TAFA1: variants seen among roughly 807,000 people sequenced by gnomAD.
TAFA1 encodes chemokine-like protein TAFA-1.
In TAFA1, 4 loss-of-function variants were observed where a neutral mutation model predicts 18.5. That is an observed-to-expected ratio of 0.22 (90% confidence interval 0.11 to 0.49). The LOEUF (loss-of-function observed/expected upper bound fraction) is 0.49. Ranked by LOEUF, TAFA1 falls within the 20% of genes least tolerant of loss-of-function variation. The pLI is 0.98. For synonymous variants in TAFA1, 56 were observed against 55.2 expected (o/e 1.01, Z -0.06); for missense variants, 147 against 169.0 (o/e 0.87, Z 0.72).
At position 68,465,646 on chromosome 3, in the gene TAFA1, T is replaced by C. The variant is rs557096232; in HGVS notation, c.259+48226T>C. The stretch of plus-strand genomic sequence containing the variant: ...ATCTTGCTCTCCTGCTGGTGAAATC[T>C]GTTCCAAAGTTAACTCACTGGACAA... On this transcript the variant is annotated intron_variant, in intron 3 of 4. Coordinates refer to ENST00000478136, the MANE Select transcript of TAFA1 (RefSeq NM_213609.4). Among the ~76,000 whole-genome samples the C allele has an allele frequency of 5.3e-5, 8 of 152,294 alleles. No individual in the cohort carries two copies. The East Asian group carries it at 1.5e-3, about 29-fold the overall frequency.
At chr3:68,212,881 C>A (rs1339421994) in intron 2 of TAFA1, among the ~76,000 whole-genome samples, 3 of 152,022 alleles carry the variant, frequency 2.0e-5, no homozygotes, top group Non-Finnish European at 4.4e-5. Flanking sequence ...TTGAATCACA[C>A]ACTAAGCTGC....
chr3:68,201,802 G>C (rs1460317062), intron 2 of TAFA1, among the ~76,000 whole-genome samples: 1 of 151,708 alleles, frequency 6.6e-6, no homozygotes, highest in Non-Finnish European at 1.5e-5. Context: ...AGTACAAGAA[G>C]CATAGCAGCA....
chr3:68,343,907 G>T (rs924657467), intron 2 of TAFA1, among the ~76,000 whole-genome samples: 2 of 152,220 alleles, frequency 1.3e-5, no homozygotes, highest in South Asian at 2.1e-4. Context: ...GATATGTCAT[G>T]ATCTCGGCTC....
intron 2 of TAFA1, among the ~76,000 whole-genome samples, chr3:68,378,757 A>G (rs2069870394): frequency 1.3e-5 from 2 of 152,132 alleles, no homozygotes; most frequent in East Asian, 1.9e-4. Flanking sequence ...GGTTTTCGCC[A>G]TGCTGTTCTC....
At chr3:68,531,289 A>T (rs1294651696) in intron 3 of TAFA1, among the ~76,000 whole-genome samples, 1 of 152,192 alleles carries the variant, frequency 6.6e-6, no homozygotes, top group African/African-American at 2.4e-5. Context: ...GACTTAAAGC[A>T]GAGGGAGAGA....
At chr3:68,410,389 A>G (rs1172051741) in intron 2 of TAFA1, among the ~76,000 whole-genome samples, 1 of 152,020 alleles carries the variant, frequency 6.6e-6, no homozygotes, top group East Asian at 1.9e-4. Flanking sequence ...AACACATCTA[A>G]CTTTTCCAGA....
chr3:68,476,226 A>G (rs1265287169), intron 3 of TAFA1, among the ~76,000 whole-genome samples: 1 of 152,202 alleles, frequency 6.6e-6, no homozygotes, highest in African/African-American at 2.4e-5. Flanking sequence ...ATCAGAGTGT[A>G]CAGGCAACCT....
intron 2 of TAFA1, among the ~76,000 whole-genome samples, chr3:68,390,966 C>A (rs1194595572): frequency 6.6e-6 from 1 of 152,146 alleles, no homozygotes; most frequent in Non-Finnish European, 1.5e-5. Context: ...CAAAGGATCA[C>A]AACTCCTGGC....
At chr3:68,358,603 CTGAT>C (rs1370614468) in intron 2 of TAFA1, among the ~76,000 whole-genome samples, 5 of 151,942 alleles carry the variant, frequency 3.3e-5, no homozygotes, top group African/African-American at 4.8e-5. Flanking sequence ...CCAAGGTAGA[CTGAT>C]TGTCTTTCCC....
At chr3:68,015,263 A>G (rs533352979) in intron 2 of TAFA1, among the ~76,000 whole-genome samples, 13 of 147,970 alleles carry the variant, frequency 8.8e-5, no homozygotes, top group African/African-American at 2.5e-4. Flanking sequence ...CTAAAAATCA[A>G]TTAATTTTCT....
intron 3 of TAFA1, among the ~76,000 whole-genome samples, chr3:68,459,062 T>A (rs1043258930): frequency 6.6e-6 from 1 of 151,908 alleles, no homozygotes; most frequent in Non-Finnish European, 1.5e-5. Flanking sequence ...TTCTTCAGAG[T>A]TTTTCTCCTT....
chr3:68,050,760 T>C (rs1373102626), intron 2 of TAFA1, among the ~76,000 whole-genome samples: 2 of 152,178 alleles, frequency 1.3e-5, no homozygotes, highest in Non-Finnish European at 2.9e-5. Flanking sequence ...AGAATAATTA[T>C]ATGTCATCTT....
intron 3 of TAFA1, among the ~76,000 whole-genome samples, chr3:68,451,597 A>T (rs2071567224): frequency 6.6e-6 from 1 of 152,206 alleles, no homozygotes; most frequent in Non-Finnish European, 1.5e-5. Context: ...ATTCAAAAAT[A>T]TTCTGAGCAC....
chr3:68,374,586 A>T (rs1214441995), intron 2 of TAFA1, among the ~76,000 whole-genome samples: 2 of 152,180 alleles, frequency 1.3e-5, no homozygotes, highest in Admixed American at 1.3e-4. Context: ...TCTACAATTC[A>T]GCATGTCTTG....
intron 2 of TAFA1, among the ~76,000 whole-genome samples, chr3:68,121,913 T>A (rs1273479574): frequency 2.0e-5 from 3 of 147,568 alleles, no homozygotes; most frequent in African/African-American, 4.8e-5. Context: ...TTGCAGGATG[T>A]TTATAACTAT....
intron 2 of TAFA1, among the ~76,000 whole-genome samples, chr3:68,076,429 G>C (rs1226983580): frequency 6.6e-6 from 1 of 150,886 alleles, no homozygotes; most frequent in Non-Finnish European, 1.5e-5. Context: ...CTAGCATTAG[G>C]TATATCTCCC....
intron 2 of TAFA1, among the ~76,000 whole-genome samples, chr3:68,138,637 A>G (rs1297594809): frequency 6.6e-6 from 1 of 152,212 alleles, no homozygotes; most frequent in Non-Finnish European, 1.5e-5. Context: ...GAGCTGATGG[A>G]ACATGAGACA....
chr3:68,157,275 G>C (rs1480542991), intron 2 of TAFA1, among the ~76,000 whole-genome samples: 1 of 152,162 alleles, frequency 6.6e-6, no homozygotes, highest in Non-Finnish European at 1.5e-5. Flanking sequence ...TTAAGTGGCA[G>C]GTAGGAAACT....
At chr3:68,168,440 G>A (rs2066012405) in intron 2 of TAFA1, among the ~76,000 whole-genome samples, 1 of 152,160 alleles carries the variant, frequency 6.6e-6, no homozygotes, top group African/African-American at 2.4e-5. Flanking sequence ...AGCTTTTAAA[G>A]CAAGTGTTAA....
Sources: allele counts gnomAD v4.1 joint callset (sites outside exome capture counted in the v4.1 genomes callset), GRCh38; gene constraint gnomAD v4.1.1; transcripts MANE v1.5; gene names NCBI Gene and HGNC (gene_info 2026-07-23, HGNC 2026-07-21).